TRAPPC8: variants seen among roughly 807,000 people sequenced by gnomAD.
TRAPPC8 encodes the protein general sporulation gene 1 homolog.
In TRAPPC8, 54 loss-of-function variants were observed where a neutral mutation model predicts 174.3. The ratio of observed to expected loss-of-function variants is 0.31; its 90% CI spans 0.25 to 0.39. The LOEUF (loss-of-function observed/expected upper bound fraction) is 0.39. Among genes scored for constraint, TRAPPC8 ranks in the 10% least tolerant of loss-of-function variants. TRAPPC8 has a pLI of 1.00. For missense variants in TRAPPC8, 1,531 were observed against 1,699.1 expected (o/e 0.90, Z 1.74); for synonymous variants, 630 against 579.9 (o/e 1.09, Z -1.24).
chr18:31,890,960 G>A, intron 11 of TRAPPC8, 94 bp from the exon 12 acceptor site: 2 of 1,192,600 alleles, frequency 1.7e-6, no homozygotes, highest in Non-Finnish European at 2.3e-6. Flanking sequence ...TTAATATATA[G>A]CATATCCAAT....
intron 12 of TRAPPC8, 109 bp from the exon 13 acceptor site, chr18:31,874,813 A>G (rs1009083710): frequency 6.4e-5 from 54 of 838,576 alleles, no homozygotes; most frequent in Non-Finnish European, 9.3e-5. Flanking sequence ...TTCTTCCTCT[A>G]AGGGGGACTG....
intron 6 of TRAPPC8, among the ~76,000 whole-genome samples, chr18:31,909,216 T>C (rs1015742467): frequency 4.6e-5 from 7 of 152,076 alleles, no homozygotes; most frequent in Non-Finnish European, 8.8e-5. Context: ...GGTACCTGTA[T>C]TAGTAATTTG....
At chr18:31,930,454 T>G (rs945649561) in intron 2 of TRAPPC8, among the ~76,000 whole-genome samples, 1 of 152,180 alleles carries the variant, frequency 6.6e-6, no homozygotes, top group East Asian at 1.9e-4. Flanking sequence ...TATTAGGAAG[T>G]ATTAAAGTAT....
rs143416944 is a variant in TRAPPC8 at position 31,859,020 on chromosome 18, G to A, written c.2746-1038C>T. 6.2e-3 allele frequency among the ~76,000 whole-genome samples: 937 copies of A among 152,248 alleles called. 12 individuals are homozygous for A. The highest frequency in any genetic ancestry group is 0.022 in the African/African-American group (897 of 41,554). ...CAGTGGGAGGACTGCTCGAGCCCAG[G>A]AAGCAGAGGTTGCAGTGAGCCAAGA... On this transcript the variant is annotated intron_variant, in intron 19 of 28. Transcript: ENST00000283351.
At chr18:31,934,856 G>A (rs2038011890) in intron 1 of TRAPPC8, among the ~76,000 whole-genome samples, 1 of 151,050 alleles carries the variant, frequency 6.6e-6, no homozygotes, top group Admixed American at 6.6e-5. Flanking sequence ...AATGAGAGCT[G>A]AGATCACACT....
At chr18:31,904,390 A>C (rs1478298096) in intron 9 of TRAPPC8, among the ~76,000 whole-genome samples, 2 of 152,204 alleles carry the variant, frequency 1.3e-5, no homozygotes, top group Non-Finnish European at 2.9e-5. Flanking sequence ...TCTCTACTAA[A>C]AATACAAAAT....
At chr18:31,915,844 G>A (rs2037116817) in intron 4 of TRAPPC8, among the ~76,000 whole-genome samples, 1 of 148,490 alleles carries the variant, frequency 6.7e-6, no homozygotes, top group South Asian at 2.1e-4. Flanking sequence ...CTGAGATCGT[G>A]CCACTGCACT....
At chr18:31,876,658 AAAC>A (rs894007610) in intron 12 of TRAPPC8, among the ~76,000 whole-genome samples, 3 of 152,146 alleles carry the variant, frequency 2.0e-5, no homozygotes, top group Admixed American at 6.5e-5. Context: ...CAGGAAAGAA[AAAC>A]AACAAGAGTT....
At chr18:31,836,149 A>T (rs144522131) in intron 27 of TRAPPC8, among the ~76,000 whole-genome samples, 186 of 152,352 alleles carry the variant, frequency 1.2e-3, no homozygotes, top group African/African-American at 4.4e-3. Context: ...CAGACATTTT[A>T]AAACTAGAGA....
At chr18:31,860,239 T>C (rs1405198045) in intron 19 of TRAPPC8, among the ~76,000 whole-genome samples, 2 of 152,156 alleles carry the variant, frequency 1.3e-5, no homozygotes, top group East Asian at 1.9e-4. Context: ...AGAAAATGAC[T>C]AGACACAAAT....
At chr18:31,931,129 T>C (rs189648335) in intron 2 of TRAPPC8, among the ~76,000 whole-genome samples, 200 bp downstream of exon 2, 6 of 152,368 alleles carry the variant, frequency 3.9e-5, no homozygotes, top group Admixed American at 2.6e-4. Flanking sequence ...ATATTTATTA[T>C]GCATATGTTC....
intron 25 of TRAPPC8, among the ~76,000 whole-genome samples, chr18:31,847,441 C>T (rs549234510): frequency 9.3e-4 from 142 of 152,284 alleles, no homozygotes; most frequent in African/African-American, 3.3e-3. Context: ...GTCATTATCA[C>T]ATTATGTGCA....
intron 26 of TRAPPC8, among the ~76,000 whole-genome samples, chr18:31,844,823 T>C (rs189280316): frequency 1.6e-3 from 236 of 151,958 alleles, no homozygotes; most frequent in Non-Finnish European, 2.7e-3. Flanking sequence ...AAACAGTAAC[T>C]TGACTGTGAA....
At chr18:31,914,211 A>G (rs763003938) in intron 4 of TRAPPC8, among the ~76,000 whole-genome samples, 24 of 152,050 alleles carry the variant, frequency 1.6e-4, no homozygotes, top group Non-Finnish European at 2.2e-4. Context: ...AAATGTAAAT[A>G]CTAATACTAT....
In TRAPPC8 at chr18:31,867,510, A is replaced by G. The variant is rs1339338388; in HGVS notation, c.2389-34T>C. ...TAAATTTCATAAATTATACATTCCA[A>G]TGAACAAAGTATCAGATTATTAACA... On this transcript the variant is annotated intron_variant, in intron 16 of 28. Coordinates refer to ENST00000283351, the MANE Select transcript of TRAPPC8 (RefSeq NM_014939.5). 2.9e-6 allele frequency: 4 copies of G among 1,366,802 alleles called. No homozygotes were observed. The African/African-American group carries it at 4.3e-5, about 15-fold the overall frequency. The allele number at this position is 1,366,802 out of a possible 1,614,324, so 84.7% of individuals were successfully genotyped here. A position where few individuals can be genotyped will look rare whatever the true frequency, so the allele number is the denominator to read the frequency against.
At chr18:31,934,928 C>T (rs1307779651) in intron 1 of TRAPPC8, among the ~76,000 whole-genome samples, 1 of 146,578 alleles carries the variant, frequency 6.8e-6, no homozygotes, top group Non-Finnish European at 1.5e-5. Flanking sequence ...GCCTGCTGGG[C>T]AACAGAGAGA....
At chr18:31,877,897 TG>T (rs2035239887) in intron 12 of TRAPPC8, among the ~76,000 whole-genome samples, 1 of 140,092 alleles carries the variant, frequency 7.1e-6, no homozygotes, top group Non-Finnish European at 1.5e-5. Context: ...CACTCCAGCC[TG>T]GGTAACAAGT....
intron 12 of TRAPPC8, among the ~76,000 whole-genome samples, chr18:31,880,090 A>AAAAAAATAT (rs1259899654): frequency 4.3e-4 from 37 of 85,302 alleles, no homozygotes; most frequent in African/African-American, 1.7e-3. Flanking sequence ...TGAAAAAAAA[A>AAAAAAATAT]ATATATATAT....
intron 24 of TRAPPC8, among the ~76,000 whole-genome samples, chr18:31,851,767 AATATG>A (rs992191761): frequency 6.6e-6 from 1 of 152,124 alleles, no homozygotes; most frequent in Non-Finnish European, 1.5e-5. Flanking sequence ...TGGGTCTCAG[AATATG>A]ATATGATATG....
Sources: allele counts gnomAD v4.1 joint callset (sites outside exome capture counted in the v4.1 genomes callset), GRCh38; gene constraint gnomAD v4.1.1; transcripts MANE v1.5; gene names NCBI Gene and HGNC (gene_info 2026-07-23, HGNC 2026-07-21).